The following CSMD3 variants were observed in gnomAD, a reference collection of about 807,000 sequenced individuals.
CSMD3 encodes CUB and sushi domain-containing protein 3.
In CSMD3, 177 loss-of-function variants were observed where a neutral mutation model predicts 435.2. The ratio of observed to expected loss-of-function variants is 0.41; its 90% CI spans 0.36 to 0.46. CSMD3 has a LOEUF of 0.46. Among genes scored for constraint, CSMD3 ranks in the 20% least tolerant of loss-of-function variants. The probability of loss-of-function intolerance (pLI) is 0.34; values close to 1 mark genes in which losing one functional copy is unlikely to be tolerated. For missense variants in CSMD3, 4,265 were observed against 4,504.6 expected, an observed-to-expected ratio of 0.95 and a Z score of 1.52; for synonymous variants, 1,656 against 1,520.5, an observed-to-expected ratio of 1.09 and a Z score of -2.07.
chr8:112,339,683 T>A (rs113427832), intron 42 of CSMD3, among the ~76,000 whole-genome samples: 1 of 152,172 alleles, frequency 6.6e-6, no homozygotes, highest in Admixed American at 6.5e-5. Context: ...TCAAACTGAT[T>A]CCTTCAGTAG....
intron 6 of CSMD3, among the ~76,000 whole-genome samples, chr8:112,996,234 A>T (rs1377481454): frequency 1.3e-5 from 2 of 151,544 alleles, no homozygotes. Flanking sequence ...GAAGTTCTGT[A>T]CATTTTGACC....
At chr8:112,285,378 TC>T (rs1306988125) in intron 58 of CSMD3, among the ~76,000 whole-genome samples, 1 of 152,118 alleles carries the variant, frequency 6.6e-6, no homozygotes, top group East Asian at 1.9e-4. Flanking sequence ...GTTTTCCAAG[TC>T]TTTTCCCTAT....
At chr8:113,215,137 C>A (rs1333242790) in intron 3 of CSMD3, among the ~76,000 whole-genome samples, 1 of 151,784 alleles carries the variant, frequency 6.6e-6, no homozygotes, top group African/African-American at 2.4e-5. Context: ...GAGAAGCTCA[C>A]TGATCTTTAC....
At chr8:112,842,113 C>A (rs2080194231) in intron 11 of CSMD3, among the ~76,000 whole-genome samples, 1 of 151,782 alleles carries the variant, frequency 6.6e-6, no homozygotes, top group Admixed American at 6.6e-5. Context: ...CTCTTCACAA[C>A]CCAGTTGCAG....
chr8:113,390,769 C>G (rs1053151593), intron 1 of CSMD3, among the ~76,000 whole-genome samples: 2 of 151,942 alleles, frequency 1.3e-5, no homozygotes, highest in Non-Finnish European at 1.5e-5. Context: ...TAAATAGGCA[C>G]TGTATTTTGG....
intron 32 of CSMD3, among the ~76,000 whole-genome samples, chr8:112,422,245 T>C (rs1034709976): frequency 2.0e-5 from 3 of 152,190 alleles, no homozygotes; most frequent in Admixed American, 2.0e-4. Context: ...TTTTATAATT[T>C]ATTTATAAAT....
chr8:112,230,072 G>T (rs1255118849), intron 69 of CSMD3, among the ~76,000 whole-genome samples: 1 of 152,132 alleles, frequency 6.6e-6, no homozygotes, highest in Non-Finnish European at 1.5e-5. Flanking sequence ...GGCATTCGCA[G>T]AGTTAGGAAA....
At chr8:112,727,810 G>A (rs938811573) in intron 13 of CSMD3, among the ~76,000 whole-genome samples, 6 of 151,422 alleles carry the variant, frequency 4.0e-5, no homozygotes, top group East Asian at 1.9e-4. Context: ...AAATACTGTC[G>A]GATTCTAAAT....
At chr8:112,292,399 T>G (rs905486722) in intron 55 of CSMD3, 138 bp downstream of exon 55, 1 of 704,016 alleles carries the variant, frequency 1.4e-6, no homozygotes, top group African/African-American at 1.8e-5. Context: ...GTTAATGAGA[T>G]GACATCAGTA....
intron 59 of CSMD3, among the ~76,000 whole-genome samples, chr8:112,277,030 T>C (rs1490278495): frequency 6.6e-6 from 1 of 152,108 alleles, no homozygotes; most frequent in African/African-American, 2.4e-5. Context: ...GACTTCTCTC[T>C]TGTGCTCTGG....
chr8:112,327,808 T>A (rs1054104460), intron 45 of CSMD3, among the ~76,000 whole-genome samples: 1 of 152,220 alleles, frequency 6.6e-6, no homozygotes, highest in African/African-American at 2.4e-5. Context: ...GATATCTGGT[T>A]CCTCGTCCAA....
chr8:112,280,544 C>A (rs1225193737), intron 59 of CSMD3, among the ~76,000 whole-genome samples: 1 of 152,086 alleles, frequency 6.6e-6, no homozygotes, highest in Non-Finnish European at 1.5e-5. Flanking sequence ...AGTGCTAATT[C>A]TTCTTAATGA....
chr8:112,613,656 A>C (rs893970481), intron 22 of CSMD3, among the ~76,000 whole-genome samples: 2 of 152,166 alleles, frequency 1.3e-5, no homozygotes, highest in Non-Finnish European at 2.9e-5. Flanking sequence ...TGTAGGTGAC[A>C]TTCTTACATT....
intron 3 of CSMD3, among the ~76,000 whole-genome samples, chr8:113,211,174 T>C (rs2092830373): frequency 6.6e-6 from 1 of 152,208 alleles, no homozygotes; most frequent in Non-Finnish European, 1.5e-5. Flanking sequence ...CAAAATTATA[T>C]GTAAATTTTT....
chr8:112,342,403 A>G (rs955661303), intron 41 of CSMD3, among the ~76,000 whole-genome samples: 2 of 152,150 alleles, frequency 1.3e-5, no homozygotes, highest in African/African-American at 2.4e-5. Context: ...ACTCAATTTT[A>G]GTAAATTTGA....
chr8:112,835,521 G>A (rs1414173723), intron 11 of CSMD3, among the ~76,000 whole-genome samples: 1 of 151,760 alleles, frequency 6.6e-6, no homozygotes, highest in African/African-American at 2.4e-5. Flanking sequence ...TGGGAAATTA[G>A]GAATCTTGGT....
chr8:112,580,837 T>C lies in CSMD3; in HGVS notation c.3885+6229A>G, dbSNP rs138709127. ...TAGGACAAAATGCACTTTTTATTTT[T>C]GACAACTTGAAGTCTTGATGCCAAA... On this transcript the variant is annotated intron_variant, in intron 23 of 70. Coordinates refer to ENST00000297405, the MANE Select transcript of CSMD3 (RefSeq NM_198123.2). Among the ~76,000 whole-genome samples the C allele has an allele frequency of 5.0e-3, 759 of 152,208 alleles. 23 individuals carry two copies. Among genetic ancestry groups the C allele is most frequent in the Admixed American group, 0.043 (651 of 15,258 alleles).
intron 10 of CSMD3, among the ~76,000 whole-genome samples, chr8:112,920,461 C>A (rs1006814353): frequency 1.3e-5 from 2 of 151,710 alleles, no homozygotes; most frequent in Admixed American, 6.6e-5. Context: ...GATAATAGTT[C>A]TTTCTATACT....
At chr8:112,987,042 TAAAG>T (rs567372589) in intron 6 of CSMD3, among the ~76,000 whole-genome samples, 2 of 152,088 alleles carry the variant, frequency 1.3e-5, no homozygotes, top group Non-Finnish European at 2.9e-5. Flanking sequence ...ATCAGGTACA[TAAAG>T]AAATCTCTGA....
Sources: gnomAD v4.1 joint callset for allele counts (sites outside exome capture counted in the v4.1 genomes callset) on GRCh38, gnomAD v4.1.1 for gene constraint, MANE v1.5 for transcripts, NCBI Gene and HGNC (gene_info 2026-07-23, HGNC 2026-07-21) for gene names.